PCDH10: variants seen among roughly 807,000 people sequenced by gnomAD.
PCDH10 encodes protocadherin 10.
In PCDH10, 15 loss-of-function variants were observed where a neutral mutation model predicts 74.4. The ratio of observed to expected loss-of-function variants is 0.20; its 90% CI spans 0.13 to 0.31. PCDH10 has a LOEUF of 0.31. PCDH10 is among the 10% of genes least tolerant of loss of function. The pLI is 1.00. For synonymous variants in PCDH10, 619 were observed against 589.8 expected, an observed-to-expected ratio of 1.05 and a Z score of -0.72; for missense variants, 1,260 against 1,390.2, an observed-to-expected ratio of 0.91 and a Z score of 1.49.
At chr4:133,154,082 A>T (rs974012165) in intron 1 of PCDH10, among the ~76,000 whole-genome samples, 1 of 151,484 alleles carries the variant, frequency 6.6e-6, no homozygotes, top group African/African-American at 2.4e-5. Flanking sequence ...AAGTTAGCCA[A>T]TTTTTTTTTA....
Position 133,152,536 on chromosome 4 carries a change from C to G in PCDH10, c.2396C>G (p.Pro799Arg). Reference protein sequence around the residue: ...LVQSSNVPSNPAQVPIEESGG... With the variant: ...LVQSSNVPSNRAQVPIEESGG... The stretch of plus-strand genomic sequence containing the variant: ...CAGAGCTCCAATGTACCCAGTAACC[C>G]GGCCCAGGTGCCGATAGAGGAGTCC... The change falls in exon 1 of 5, where the codon CCG becomes CGG. Residue 799 changes from proline (P) to arginine (R), a missense_variant. Pro to Arg is a moderately radical substitution (Grantham distance 103). Around this residue, in one of 11 missense-constraint regions of PCDH10, gnomAD observed 587 missense variants for 616.9 expected, o/e 0.95. Coordinates refer to ENST00000264360, the MANE Select transcript of PCDH10 (RefSeq NM_032961.3). 1 of 1,614,104 alleles carries G rather than the reference C, an allele frequency of 6.2e-7. No homozygotes were observed. The highest frequency in any genetic ancestry group is 1.1e-5 in the South Asian group (1 of 91,080).
chr4:133,198,739 G>T (rs1413881071), downstream of PCDH10, among the ~76,000 whole-genome samples: 1 of 152,134 alleles, frequency 6.6e-6, no homozygotes, highest in Non-Finnish European at 1.5e-5. Context: ...ATATGATAAG[G>T]CTACAACACT....
chr4:133,185,340 C>T (rs1727523857), intron 4 of PCDH10, among the ~76,000 whole-genome samples: 1 of 151,488 alleles, frequency 6.6e-6, no homozygotes, highest in Non-Finnish European at 1.5e-5. Context: ...CAAGCAGTTA[C>T]CCTCTTTTAA....
chr4:133,160,543 C>T (rs1467599744), intron 3 of PCDH10, among the ~76,000 whole-genome samples: 1 of 150,256 alleles, frequency 6.7e-6, no homozygotes, highest in Admixed American at 6.7e-5. Context: ...AACATACTTG[C>T]CAGATAGGAA....
chr4:133,190,338 G>C lies in PCDH10; in HGVS notation c.*178G>C. ...ACCTAATTGCTCTCAGCAGGCCTGA[G>C]AAATGAGTTGAAATGTGCAGAACTG... is the stretch of plus-strand genomic sequence containing the variant. On this transcript the variant is annotated 3_prime_UTR_variant, in exon 5 of 5. Transcript: ENST00000264360. 1.6e-6 allele frequency: 1 copy of C among 630,728 alleles called. No homozygotes were observed. The allele number at this position is 630,728 out of a possible 1,614,324, so 39.1% of individuals were successfully genotyped here.
At chr4:133,170,582 G>C (rs1418771209) in intron 4 of PCDH10, among the ~76,000 whole-genome samples, 1 of 152,174 alleles carries the variant, frequency 6.6e-6, no homozygotes, top group Non-Finnish European at 1.5e-5. Context: ...CAACATAGGA[G>C]TCAATGTATT....
At chr4:133,157,179 A>G (rs1368178227) in intron 3 of PCDH10, among the ~76,000 whole-genome samples, 1 of 152,242 alleles carries the variant, frequency 6.6e-6, no homozygotes, top group Non-Finnish European at 1.5e-5. Context: ...TAGGATTGTA[A>G]TAAAGCACTT....
intron 3 of PCDH10, among the ~76,000 whole-genome samples, chr4:133,161,949 G>C (rs1309036166): frequency 6.6e-6 from 1 of 152,088 alleles, no homozygotes; most frequent in African/African-American, 2.4e-5. Flanking sequence ...TTTCTGTGTA[G>C]TGCTATATAT....
At position 133,151,631 on chromosome 4, in the gene PCDH10, G is replaced by T; in HGVS notation, c.1491G>T (p.Gln497His). 1 of 1,613,780 alleles carries T rather than the reference G, an allele frequency of 6.2e-7. No homozygotes were observed. Among genetic ancestry groups the T allele is most frequent in the Non-Finnish European group, 8.5e-7 (1 of 1,180,044 alleles). Residue 497 changes from glutamine to histidine, a missense_variant, in exon 1 of 5, where the codon CAG (glutamine) becomes CAT (histidine). By Grantham distance (24) the Gln-to-His change is conservative. This residue lies in a region of PCDH10 where 587 missense variants were observed against 616.9 expected (regional missense o/e 0.95). Coordinates refer to ENST00000264360, the MANE Select transcript of PCDH10 (RefSeq NM_032961.3). The part of the protein sequence containing the change: ...ATDRDEGANA[Q>H]LAYSILECQI... ...ACCGGGATGAGGGCGCCAACGCCCA[G>T]CTTGCCTACTCTATCCTCGAGTGCC... is the stretch of plus-strand genomic sequence containing the variant.
chr4:133,151,955 C>G lies in PCDH10; in HGVS notation c.1815C>G (p.Ala605=). The part of the protein sequence containing the change: ...EPGYLLTRVA[A]VDADDGENAR... Reference sequence around the variant, plus strand: ...GTTACCTGCTCACCCGCGTGGCCGCCGTGGACGCGGACGACGGCGAGAACG... The same window carrying G: ...GTTACCTGCTCACCCGCGTGGCCGCGGTGGACGCGGACGACGGCGAGAACG... The change falls in exon 1 of 5, where the codon GCC becomes GCG. Residue 605 remains alanine (A), a synonymous_variant. Coordinates refer to ENST00000264360, the MANE Select transcript of PCDH10 (RefSeq NM_032961.3). 6.2e-7 allele frequency: 1 copy of G among 1,612,434 alleles called. No homozygotes were observed. Among genetic ancestry groups the G allele is most frequent in the East Asian group, 2.2e-5 (1 of 44,860 alleles).
Position 133,158,745 on chromosome 4 carries a change from C to G in PCDH10, c.2797+3722C>G, listed in dbSNP as rs562174612. On this transcript the variant is annotated intron_variant, in intron 3 of 4. Coordinates refer to ENST00000264360, the MANE Select transcript of PCDH10 (RefSeq NM_032961.3). ...CTCCATTAAGAATTTAGATAATTGC[C>G]AAGTTTGATTTTGGGTTTATATATA... Among the ~76,000 whole-genome samples the G allele has an allele frequency of 1.1e-4, 16 of 152,008 alleles. No individual in the cohort carries two copies. The South Asian group carries it at 2.3e-3, about 22-fold the overall frequency.
rs1456479103 is a variant in PCDH10, at chr4:133,150,516, G to A, written c.376G>A (p.Asp126Asn). Residue 126 changes from aspartate (D) to asparagine (N), a missense_variant, in exon 1 of 5, where the codon GAC becomes AAC. Asp to Asn is a conservative substitution (Grantham distance 23). Transcript: ENST00000264360. ...CAACCCCCCCTCTTTCCCGGAGCCA[G>A]ACCTGACGGTGGAAATCTCTGAGAG... ...NDNPPSFPEP[D>N]LTVEISESAT... 3 of 1,613,784 alleles carry A rather than the reference G, an allele frequency of 1.9e-6. No homozygotes were observed. In the South Asian group the frequency reaches 3.3e-5, roughly 18 times the overall value.
Position 133,151,106 on chromosome 4 carries a change from A to G in PCDH10, c.966A>G (p.Pro322=), listed in dbSNP as rs1450866949. Residue 322 remains proline (P), a synonymous_variant, in exon 1 of 5, where the codon CCA becomes CCG. Transcript: ENST00000264360. ...GCGAGTTGGACTATGAAGAGAGCCC[A>G]GTGTACCAAGTGTACGTGCAAGCCA... The part of the protein sequence containing the change: ...VSGELDYEES[P]VYQVYVQAKD... 1 of 1,614,122 alleles carries G rather than the reference A, an allele frequency of 6.2e-7. No homozygotes were observed.
chr4:133,156,513 A>G (rs752613432), intron 3 of PCDH10, among the ~76,000 whole-genome samples: 1 of 152,176 alleles, frequency 6.6e-6, no homozygotes, highest in Non-Finnish European at 1.5e-5. Flanking sequence ...AGTCCCTTTC[A>G]TTTTTGCCCT....
intron 3 of PCDH10, among the ~76,000 whole-genome samples, chr4:133,161,164 C>T (rs921579547): frequency 1.3e-5 from 2 of 152,100 alleles, no homozygotes; most frequent in African/African-American, 2.4e-5. Flanking sequence ...CTGACGTTTC[C>T]GTTCCTCAAC....
Position 133,190,228 on chromosome 4 carries a change from T to C in PCDH10, c.*68T>C. ...AGTCGACCAACAAAAGCATCAACTT[T>C]TCAACTTCATTATCTTGGCCATCCA... On this transcript the variant is annotated 3_prime_UTR_variant, in exon 5 of 5. Transcript: ENST00000264360. 7.2e-7 allele frequency: 1 copy of C among 1,386,820 alleles called. No individual in the cohort carries two copies. The allele number at this position is 1,386,820 out of a possible 1,614,324, so 85.9% of individuals were successfully genotyped here.
chr4:133,161,822 C>G (rs557764915), intron 3 of PCDH10, among the ~76,000 whole-genome samples: 123 of 152,098 alleles, frequency 8.1e-4, no homozygotes, highest in African/African-American at 2.9e-3. Flanking sequence ...TGGGGAGCTT[C>G]TTAGCCATTT....
chr4:133,171,280 T>C (rs1727199290), intron 4 of PCDH10, among the ~76,000 whole-genome samples: 1 of 152,178 alleles, frequency 6.6e-6, no homozygotes, highest in East Asian at 1.9e-4. Context: ...CTCATCTATA[T>C]GTCAGTCACT....
At chr4:133,199,051 G>C (rs1260822378), downstream of PCDH10, among the ~76,000 whole-genome samples, 2 of 152,054 alleles carry the variant, frequency 1.3e-5, no homozygotes, top group Admixed American at 1.3e-4. Flanking sequence ...GGAGGATGAG[G>C]TGGACGGATC....
Sources: gnomAD v4.1 joint callset for allele counts (sites outside exome capture counted in the v4.1 genomes callset) on GRCh38, gnomAD v4.1.1 for gene constraint, gnomAD v4.1.1 regional missense constraint, MANE v1.5 for transcripts, NCBI Gene and HGNC (gene_info 2026-07-23, HGNC 2026-07-21) for gene names.